Variants in STARD13 observed in about 807,000 individuals in gnomAD.
STARD13 encodes StAR related lipid transfer domain containing 13, also known as stAR-related lipid transfer protein 13.
Under a neutral mutation model 106.4 loss-of-function variants are expected in STARD13, and 62 were observed. That is an observed-to-expected ratio of 0.58 (90% CI 0.48 to 0.72). STARD13 has a LOEUF of 0.72. Ranked by LOEUF, STARD13 falls within the 30% of genes least tolerant of loss-of-function variation. The probability of loss-of-function intolerance (pLI) is 0.00; values close to 1 mark genes in which losing one functional copy is unlikely to be tolerated. For synonymous variants in STARD13, 565 were observed against 553.0 expected (o/e 1.02, Z -0.31); for missense variants, 1,387 against 1,424.0 (o/e 0.97, Z 0.42).
chr13:33,512,519 G>C, the STARD13 span, among the ~76,000 whole-genome samples: 2 of 152,004 alleles, frequency 1.3e-5, no homozygotes, highest in East Asian at 3.9e-4. Context: ...TTAGGCTGGA[G>C]TGCAGTGGCG....
At chr13:33,396,619 A>G in the STARD13 span, among the ~76,000 whole-genome samples, 2 of 152,214 alleles carry the variant, frequency 1.3e-5, no homozygotes, top group Admixed American at 6.5e-5. Context: ...TTCTGTGTCT[A>G]CACAACTTAA....
At chr13:33,519,230 T>C in the STARD13 span, among the ~76,000 whole-genome samples, 411 of 148,728 alleles carry the variant, frequency 2.8e-3, 2 homozygotes, top group South Asian at 9.0e-3. Context: ...CTTTCTTTCT[T>C]TCTTTCTTTC....
the STARD13 span, among the ~76,000 whole-genome samples, chr13:33,519,239 T>TCTTC: frequency 6.6e-6 from 1 of 150,784 alleles, no homozygotes; most frequent in Non-Finnish European, 1.5e-5. Flanking sequence ...TTTCTTTCTT[T>TCTTC]CTTTCTTTCT....
intron 1 of STARD13, among the ~76,000 whole-genome samples, chr13:33,334,464 C>T (rs949258848): frequency 2.0e-5 from 3 of 152,162 alleles, no homozygotes; most frequent in Non-Finnish European, 4.4e-5. Flanking sequence ...AAGTAATGAT[C>T]GGGACCTCAG....
chr13:33,464,159 C>T, the STARD13 span, among the ~76,000 whole-genome samples: 2 of 151,266 alleles, frequency 1.3e-5, no homozygotes, highest in Admixed American at 6.6e-5. Context: ...TCAAAGTAAG[C>T]CAGTAGGGGG....
chr13:33,501,009 T>TAA, the STARD13 span, among the ~76,000 whole-genome samples: 3 of 138,380 alleles, frequency 2.2e-5, no homozygotes, highest in Non-Finnish European at 4.7e-5. Flanking sequence ...TTTATGGTCT[T>TAA]AAAAAAAAAA....
chr13:33,224,840 T>C (rs73179044), intron 1 of STARD13, among the ~76,000 whole-genome samples: 9,886 of 152,276 alleles, frequency 0.065, 369 homozygotes, highest in Middle Eastern at 0.14. Context: ...ACCATCTTTG[T>C]ACATTTTCCT....
At chr13:33,147,636 A>G (rs968352986) in intron 3 of STARD13, among the ~76,000 whole-genome samples, 4 of 152,248 alleles carry the variant, frequency 2.6e-5, no homozygotes, top group African/African-American at 7.2e-5. Context: ...TGATTTCAAG[A>G]GGTGCCATAT....
the STARD13 span, among the ~76,000 whole-genome samples, chr13:33,528,994 T>C: frequency 5.9e-5 from 9 of 152,172 alleles, no homozygotes; most frequent in Non-Finnish European, 1.0e-4. Context: ...CTAATTATAT[T>C]TATTCATAGG....
chr13:33,303,796 G>T (rs1162644698), intron 1 of STARD13, among the ~76,000 whole-genome samples: 1 of 152,138 alleles, frequency 6.6e-6, no homozygotes, highest in African/African-American at 2.4e-5. Context: ...TTCTGTAGTT[G>T]AACCATCATC....
intron 1 of STARD13, among the ~76,000 whole-genome samples, chr13:33,281,978 C>G (rs1297052580): frequency 1.3e-5 from 2 of 151,868 alleles, no homozygotes; most frequent in Non-Finnish European, 2.9e-5. Context: ...GTTAAGATGG[C>G]AAAATTAATG....
intron 1 of STARD13, among the ~76,000 whole-genome samples, chr13:33,182,935 G>A (rs1465972810): frequency 6.6e-6 from 1 of 152,222 alleles, no homozygotes; most frequent in Non-Finnish European, 1.5e-5. Flanking sequence ...GGGCTCACGT[G>A]CAGTCACGTG....
At chr13:33,400,594 G>A in the STARD13 span, among the ~76,000 whole-genome samples, 1 of 151,996 alleles carries the variant, frequency 6.6e-6, no homozygotes, top group African/African-American at 2.4e-5. Context: ...CCGGGTTGCT[G>A]GGACTACAGG....
the STARD13 span, among the ~76,000 whole-genome samples, chr13:33,606,764 G>C: frequency 6.6e-6 from 1 of 152,210 alleles, no homozygotes; most frequent in Non-Finnish European, 1.5e-5. Flanking sequence ...TCTAACACTG[G>C]TGTTATTGGG....
chr13:33,231,645 C>G (rs1418219926), intron 1 of STARD13, among the ~76,000 whole-genome samples: 1 of 152,106 alleles, frequency 6.6e-6, no homozygotes, highest in African/African-American at 2.4e-5. Flanking sequence ...TCTATTTAGA[C>G]CCACATCTTA....
chr13:33,666,789 A>T, the STARD13 span, among the ~76,000 whole-genome samples: 1 of 152,054 alleles, frequency 6.6e-6, no homozygotes, highest in East Asian at 1.9e-4. Context: ...ACAGGGTTTC[A>T]CCATGTTGGC....
intron 1 of STARD13, among the ~76,000 whole-genome samples, chr13:33,325,640 C>T (rs1161388611): frequency 6.6e-6 from 1 of 152,102 alleles, no homozygotes; most frequent in Non-Finnish European, 1.5e-5. Flanking sequence ...ACTGCATCCC[C>T]AAATCACCTT....
the STARD13 span, among the ~76,000 whole-genome samples, chr13:33,665,473 A>C: frequency 1.3e-5 from 2 of 152,236 alleles, no homozygotes; most frequent in Admixed American, 6.5e-5. Context: ...TTAATTAAGA[A>C]ATAAGACCAT....
At chr13:33,404,511 T>A in the STARD13 span, among the ~76,000 whole-genome samples, 1 of 152,196 alleles carries the variant, frequency 6.6e-6, no homozygotes, top group East Asian at 1.9e-4. Context: ...TGACTTGGAA[T>A]AAGTAGTGTT....
Sources: gnomAD v4.1 joint callset for allele counts (sites outside exome capture counted in the v4.1 genomes callset) on GRCh38, gnomAD v4.1.1 for gene constraint, MANE v1.5 for transcripts, NCBI Gene and HGNC (gene_info 2026-07-23, HGNC 2026-07-21) for gene names.